BCKDHB: variants seen among roughly 807,000 people sequenced by gnomAD.
BCKDHB encodes the protein branched chain keto acid dehydrogenase E1 subunit beta.
Under a neutral mutation model 48.5 loss-of-function variants are expected in BCKDHB, and 41 were observed. That is an observed-to-expected ratio of 0.85 (90% CI 0.66 to 1.10). The LOEUF is 1.10. Among genes scored for constraint, BCKDHB ranks in the 50% least tolerant of loss-of-function variants. BCKDHB has a pLI of 0.00. For missense variants in BCKDHB, 496 were observed against 494.2 expected, an observed-to-expected ratio of 1.00 and a Z score of -0.03; for synonymous variants, 201 against 174.8, an observed-to-expected ratio of 1.15 and a Z score of -1.18.
chr6:80,300,540 G>C (rs754420861), intron 9 of BCKDHB, among the ~76,000 whole-genome samples: 1 of 152,092 alleles, frequency 6.6e-6, no homozygotes, highest in Non-Finnish European at 1.5e-5. Flanking sequence ...AAAAGACTTC[G>C]ACAACCACAC....
intron 8 of BCKDHB, among the ~76,000 whole-genome samples, chr6:80,212,383 T>A (rs1774978365): frequency 1.3e-5 from 2 of 152,128 alleles, no homozygotes; most frequent in South Asian, 4.1e-4. Flanking sequence ...AATTTAGCGA[T>A]ATCTCTCCTA....
chr6:80,327,286 A>G (rs539060857), intron 9 of BCKDHB, among the ~76,000 whole-genome samples: 4 of 152,364 alleles, frequency 2.6e-5, no homozygotes, highest in East Asian at 1.9e-4. Context: ...AGCCTATTTT[A>G]TAATGAAGTG....
chr6:80,446,491 G>C, the BCKDHB span, among the ~76,000 whole-genome samples: 1 of 152,162 alleles, frequency 6.6e-6, no homozygotes, highest in Non-Finnish European at 1.5e-5. Flanking sequence ...CAGTCCAATA[G>C]TCAGGACTCA....
the BCKDHB span, among the ~76,000 whole-genome samples, chr6:80,439,277 T>C: frequency 6.6e-6 from 1 of 152,152 alleles, no homozygotes; most frequent in Non-Finnish European, 1.5e-5. Context: ...TCAGTCGCAT[T>C]TACTACTGCC....
chr6:80,355,761 A>T, the BCKDHB span: 1 of 152,172 alleles, frequency 6.6e-6, no homozygotes. Context: ...GCACAACCAC[A>T]TGGAGTACAT....
intron 8 of BCKDHB, among the ~76,000 whole-genome samples, chr6:80,215,497 T>C (rs1377699151): frequency 6.6e-6 from 1 of 152,238 alleles, no homozygotes. Flanking sequence ...TTGCTATATC[T>C]GCAAGAGTCC....
chr6:80,190,666 G>A (rs1404471392), intron 6 of BCKDHB, among the ~76,000 whole-genome samples: 1 of 152,068 alleles, frequency 6.6e-6, no homozygotes, highest in Non-Finnish European at 1.5e-5. Context: ...TTTCATAAAA[G>A]GTGACCTTTT....
the BCKDHB span, among the ~76,000 whole-genome samples, chr6:80,464,678 C>G: frequency 1.3e-5 from 2 of 152,288 alleles, no homozygotes; most frequent in South Asian, 4.1e-4. Context: ...TCCAACATAA[C>G]CATTAAATTT....
At chr6:80,384,674 G>C in the BCKDHB span, among the ~76,000 whole-genome samples, 1 of 152,066 alleles carries the variant, frequency 6.6e-6, no homozygotes, top group Non-Finnish European at 1.5e-5. Flanking sequence ...TCAGTTTTGA[G>C]ACTTGGACTG....
At chr6:80,180,313 G>A (rs541704537) in intron 6 of BCKDHB, among the ~76,000 whole-genome samples, 63 of 152,246 alleles carry the variant, frequency 4.1e-4, no homozygotes, top group African/African-American at 1.4e-3. Flanking sequence ...TGAGTGCAAT[G>A]AATCTTTTTA....
Position 80,316,962 on chromosome 6 carries a change from A to T in BCKDHB, c.1039-26702A>T, listed in dbSNP as rs185758387. ...GGGTGGGGTTTAGAATTAGAGCAGC[A>T]TTTCTCCAGAAAGATTTACGCTGTC... On this transcript the variant is annotated intron_variant, in intron 9 of 9. Transcript: ENST00000320393. 6.6e-5 allele frequency among the ~76,000 whole-genome samples: 10 copies of T among 152,286 alleles called. No individual in the cohort carries two copies. The East Asian group carries it at 1.9e-3, about 29-fold the overall frequency.
At chr6:80,266,432 T>C (rs1777516698) in intron 8 of BCKDHB, among the ~76,000 whole-genome samples, 2 of 152,084 alleles carry the variant, frequency 1.3e-5, no homozygotes, top group Admixed American at 1.3e-4. Context: ...AAAGCATTTA[T>C]TTACTATTTA....
chr6:80,138,300 A>G, intron 3 of BCKDHB, among the ~76,000 whole-genome samples: 1 of 149,804 alleles, frequency 6.7e-6, no homozygotes, highest in Non-Finnish European at 1.5e-5. Context: ...CTTTTTTTTT[A>G]TTATTATTAT....
At chr6:80,165,767 A>G (rs200103111) in intron 3 of BCKDHB, among the ~76,000 whole-genome samples, 2 of 152,344 alleles carry the variant, frequency 1.3e-5, no homozygotes, top group South Asian at 2.1e-4. Flanking sequence ...AAGGGTCTCA[A>G]ACTCCAAAAT....
At position 80,122,063 on chromosome 6, in the gene BCKDHB, G is replaced by C. The variant is rs1770055320; in HGVS notation, c.197-5484G>C. On this transcript the variant is annotated intron_variant, in intron 1 of 9. Transcript: ENST00000320393. ...TTTATTGAGAGTTTTTAGCATGAAG[G>C]GCTGTTGAATTTTGTCGAAGGCCTT... is the stretch of plus-strand genomic sequence containing the variant. Among the ~76,000 whole-genome samples, 4 of 152,292 alleles carry C rather than the reference G, an allele frequency of 2.6e-5. No individual in the cohort carries two copies. The East Asian group carries it at 5.8e-4, about 22-fold the overall frequency.
intron 9 of BCKDHB, among the ~76,000 whole-genome samples, chr6:80,340,551 A>G (rs766536027): frequency 6.6e-6 from 1 of 152,248 alleles, no homozygotes; most frequent in Non-Finnish European, 1.5e-5. Flanking sequence ...CCTGTAGGCT[A>G]TGCCATTACT....
At chr6:80,286,079 T>C (rs1418666129) in intron 9 of BCKDHB, among the ~76,000 whole-genome samples, 1 of 152,184 alleles carries the variant, frequency 6.6e-6, no homozygotes, top group Non-Finnish European at 1.5e-5. Flanking sequence ...TGAGGTGTGA[T>C]ATATGAATTT....
chr6:80,150,550 C>CTTTTTTTTTTTT (rs758701261), intron 3 of BCKDHB, among the ~76,000 whole-genome samples: 1 of 105,466 alleles, frequency 9.5e-6, no homozygotes, highest in African/African-American at 3.6e-5. Context: ...AGTTTGTCAT[C>CTTTTTTTTTTTT]TTTTTTTTTT....
the BCKDHB span, among the ~76,000 whole-genome samples, chr6:80,386,187 C>G: frequency 5.9e-5 from 9 of 152,070 alleles, no homozygotes; most frequent in Non-Finnish European, 8.8e-5. Flanking sequence ...TTGAAAAGCC[C>G]TGTAATTGCT....
Sources: allele counts gnomAD v4.1 joint callset (sites outside exome capture counted in the v4.1 genomes callset), GRCh38; gene constraint gnomAD v4.1.1; transcripts MANE v1.5; gene names NCBI Gene and HGNC (gene_info 2026-07-23, HGNC 2026-07-21).